The following ADTRP variants were observed in gnomAD, a reference collection of about 807,000 sequenced individuals.
The protein encoded by ADTRP is androgen dependent TFPI regulating protein.
In ADTRP, 20 loss-of-function variants were observed where a neutral mutation model predicts 27.0. The observed-to-expected ratio is 0.74, with a 90% CI of 0.52 to 1.08. The LOEUF is 1.08. Among genes scored for constraint, ADTRP ranks in the 50% least tolerant of loss-of-function variants. The pLI, the probability that ADTRP is intolerant of heterozygous loss-of-function variation, is 0.00. For synonymous variants in ADTRP, 101 were observed against 105.2 expected (o/e 0.96, Z 0.25); for missense variants, 251 against 275.0 (o/e 0.91, Z 0.62).
At chr6:11,747,553 A>G (rs1314500360) in intron 3 of ADTRP, among the ~76,000 whole-genome samples, 1 of 152,202 alleles carries the variant, frequency 6.6e-6, no homozygotes, top group Non-Finnish European at 1.5e-5. Context: ...CTTGATTGCT[A>G]TTGGACTGTT....
chr6:11,730,111 G>C (rs557368246), intron 4 of ADTRP, among the ~76,000 whole-genome samples: 4 of 152,210 alleles, frequency 2.6e-5, no homozygotes, highest in Non-Finnish European at 5.9e-5. Flanking sequence ...AGAAGAGCAG[G>C]AGATGAGATA....
At chr6:11,717,271 C>T in intron 5 of ADTRP, 1 of 1,301,002 alleles carries the variant, frequency 7.7e-7, no homozygotes, top group Non-Finnish European at 1.0e-6. Flanking sequence ...CAGATAGTAG[C>T]AAGGGCTAGA....
chr6:11,722,162 T>C (rs1762042240), intron 5 of ADTRP, among the ~76,000 whole-genome samples: 1 of 152,170 alleles, frequency 6.6e-6, no homozygotes. Context: ...TTTTCTGTGA[T>C]TTGGAATCCT....
rs149613527 is a variant in ADTRP, at chr6:11,748,773, C to T, written c.391-13090G>A. ...GAGCATCTTGGGCAAGGGTGCAGTA[C>T]GCACGAAGGTCCTGTAGGAGAATGA... On this transcript the variant is annotated intron_variant, in intron 3 of 5. Transcript: ENST00000414691. Among the ~76,000 whole-genome samples the T allele has an allele frequency of 1.5e-3, 223 of 152,248 alleles. 2 individuals are homozygous for T. The highest frequency in any genetic ancestry group is 4.9e-3 in the African/African-American group (204 of 41,558).
At chr6:11,778,486 C>G in intron 1 of ADTRP, 121 bp downstream of exon 1, 1 of 1,335,670 alleles carries the variant, frequency 7.5e-7, no homozygotes, top group Non-Finnish European at 1.0e-6. Context: ...ACTCACAAAA[C>G]GGTGAAGAAG....
At chr6:11,755,070 C>T (rs1051150087) in intron 3 of ADTRP, 49 of 985,256 alleles carry the variant, frequency 5.0e-5, no homozygotes, top group Admixed American at 1.2e-4. Flanking sequence ...TCATTCTTCC[C>T]GTTGGGGTGT....
At chr6:11,768,592 T>C (rs1763650046) in intron 1 of ADTRP, among the ~76,000 whole-genome samples, 1 of 152,084 alleles carries the variant, frequency 6.6e-6, no homozygotes, top group South Asian at 2.1e-4. Context: ...CAAATTTGTT[T>C]AGGGGACAAT....
At position 11,713,602 on chromosome 6, in the gene ADTRP, T is replaced by C. The variant is rs1288107130; in HGVS notation, c.*876A>G. 2 of 152,232 alleles carry C rather than the reference T, an allele frequency of 1.3e-5. No individual in the cohort carries two copies. The highest frequency in any genetic ancestry group is 4.8e-5 in the African/African-American group (2 of 41,458). 9.4% of individuals were successfully genotyped at this position (152,232 alleles called of 1,614,324 possible). ...CCACACACTAATTCAGAAAAGTGCT[T>C]TGTAGCAAAGCAATCTCAACAGCCC... On this transcript the variant is annotated 3_prime_UTR_variant, in exon 6 of 6. Coordinates refer to ENST00000414691, the MANE Select transcript of ADTRP (RefSeq NM_032744.4).
intron 3 of ADTRP, among the ~76,000 whole-genome samples, chr6:11,740,198 C>T (rs1052474991): frequency 2.6e-5 from 4 of 152,144 alleles, no homozygotes; most frequent in Non-Finnish European, 5.9e-5. Context: ...TTCCGATCTG[C>T]GAATTAGTTC....
chr6:11,762,436 C>T (rs1017503897), intron 3 of ADTRP, among the ~76,000 whole-genome samples: 1 of 152,250 alleles, frequency 6.6e-6, no homozygotes, highest in Non-Finnish European at 1.5e-5. Flanking sequence ...TAGTGTCACA[C>T]GCATAGTGGT....
At chr6:11,773,202 AAAG>A (rs1262331045) in intron 1 of ADTRP, among the ~76,000 whole-genome samples, 8 of 152,190 alleles carry the variant, frequency 5.3e-5, no homozygotes, top group East Asian at 1.9e-4. Flanking sequence ...GGAATTAGGA[AAAG>A]AAGAAGTGGA....
chr6:11,760,198 C>T (rs1267111289), intron 3 of ADTRP, among the ~76,000 whole-genome samples: 1 of 152,216 alleles, frequency 6.6e-6, no homozygotes, highest in African/African-American at 2.4e-5. Flanking sequence ...ATCTTCCCCA[C>T]TGGGATGTGT....
At chr6:11,732,035 A>G (rs1762407309) in intron 4 of ADTRP, among the ~76,000 whole-genome samples, 1 of 152,170 alleles carries the variant, frequency 6.6e-6, no homozygotes, top group Non-Finnish European at 1.5e-5. Flanking sequence ...GAAGGGAGAA[A>G]TAAGTGAGCT....
chr6:11,719,791 G>A (rs1484666003), intron 5 of ADTRP, among the ~76,000 whole-genome samples: 2 of 152,126 alleles, frequency 1.3e-5, no homozygotes, highest in African/African-American at 2.4e-5. Context: ...GTCTGCTATC[G>A]GGTAGCTGTT....
chr6:11,753,578 T>A (rs1353203075), intron 3 of ADTRP, among the ~76,000 whole-genome samples: 1 of 152,230 alleles, frequency 6.6e-6, no homozygotes, highest in African/African-American at 2.4e-5. Context: ...TAGTGAAGTA[T>A]TATTTTAAAA....
At chr6:11,747,980 C>T (rs934186529) in intron 3 of ADTRP, among the ~76,000 whole-genome samples, 13 of 152,162 alleles carry the variant, frequency 8.5e-5, no homozygotes, top group African/African-American at 2.9e-4. Flanking sequence ...AACATCTGAC[C>T]ACGGTGGATG....
At position 11,748,697 on chromosome 6, in the gene ADTRP, G is replaced by A. The variant is rs562438590; in HGVS notation, c.391-13014C>T. On this transcript the variant is annotated intron_variant, in intron 3 of 5. Transcript: ENST00000414691. ...GGAAAAGCCATTCTGAGAAGACCAC[G>A]TCCAAGATGTGTTCTAAAAGCTACA... Among the ~76,000 whole-genome samples the A allele has an allele frequency of 4.0e-4, 61 of 152,350 alleles. 1 individual carries two copies. Among genetic ancestry groups the A allele is most frequent in the African/African-American group, 8.9e-4 (37 of 41,576 alleles).
chr6:11,732,434 T>C (rs9296142), intron 4 of ADTRP, among the ~76,000 whole-genome samples: 20,350 of 152,134 alleles, frequency 0.13, 1,760 homozygotes, highest in South Asian at 0.24. Context: ...TCCATGGGTG[T>C]CTGCAGTTTG....
intron 5 of ADTRP, among the ~76,000 whole-genome samples, chr6:11,715,805 G>GT (rs1561736105): frequency 1.3e-4 from 12 of 89,262 alleles, no homozygotes; most frequent in Non-Finnish European, 1.9e-4. Context: ...ACCATGCCCA[G>GT]CTTTTTTTTT....
Sources: gnomAD v4.1 joint callset for allele counts (sites outside exome capture counted in the v4.1 genomes callset) on GRCh38, gnomAD v4.1.1 for gene constraint, MANE v1.5 for transcripts, NCBI Gene and HGNC (gene_info 2026-07-23, HGNC 2026-07-21) for gene names.